RPGRIP1L: variants seen among roughly 807,000 people sequenced by gnomAD.
RPGRIP1L encodes RPGRIP1 like.
RPGRIP1L carries 131 observed loss-of-function variants against 160.4 expected under a neutral mutation model. That is an observed-to-expected ratio of 0.82 (90% CI 0.71 to 0.94). The LOEUF is 0.94. Ranked by LOEUF, RPGRIP1L falls within the 40% of genes least tolerant of loss-of-function variation. RPGRIP1L has a pLI of 0.00. For synonymous variants in RPGRIP1L, 510 were observed against 515.8 expected, an observed-to-expected ratio of 0.99 and a Z score of 0.15; for missense variants, 1,522 against 1,535.8, an observed-to-expected ratio of 0.99 and a Z score of 0.15.
intron 2 of RPGRIP1L, among the ~76,000 whole-genome samples, chr16:53,699,489 A>G (rs979032013): frequency 3.3e-5 from 5 of 152,124 alleles, no homozygotes; most frequent in Non-Finnish European, 7.3e-5. Flanking sequence ...ACTGATAGAG[A>G]CTAAGGTCCT....
rs1306500140 is a variant in RPGRIP1L, at chr16:53,605,613, G to C, written c.3703C>G (p.Leu1235Val). Residue 1235 changes from leucine to valine, a missense_variant and splice_region_variant, in exon 26 of 27, where the codon CTT (leucine) becomes GTT (valine). Physicochemically the swap from Leu to Val is conservative, Grantham distance 32 (BLOSUM62 1). Coordinates refer to ENST00000647211, the MANE Select transcript of RPGRIP1L (RefSeq NM_015272.5). Reference sequence around the variant, plus strand: ...GGGTCACTGACCACGGTGAAGCGAAGGCTGGTAAGGCAGAGATCAGAGAAA... The same window carrying C: ...GGGTCACTGACCACGGTGAAGCGAACGCTGGTAAGGCAGAGATCAGAGAAA... ...LQKQEMPNRSLRFTVVSDPPE... is the reference protein window; with the variant it reads ...LQKQEMPNRSVRFTVVSDPPE... 1.9e-6 allele frequency: 3 copies of C among 1,613,830 alleles called. No individual in the cohort carries two copies. The highest frequency in any genetic ancestry group is 2.2e-5 in the East Asian group (1 of 44,872).
At chr16:53,659,482 A>G (rs1049964486) in intron 10 of RPGRIP1L, 1 of 152,534 alleles carries the variant, frequency 6.6e-6, no homozygotes, top group Non-Finnish European at 1.5e-5. Flanking sequence ...TAATAAAAAA[A>G]TTAAAAAGTA....
Position 53,671,565 on chromosome 16 carries a change from C to A in RPGRIP1L, c.1048G>T (p.Asp350Tyr). Reference protein sequence around the residue: ...RIEELQDRINDLEKERELLKE... With the variant: ...RIEELQDRINYLEKERELLKE... ...AAAAGTTCCCGTTCCTTTTCTAAAT[C>A]ATTAATTCTATCCTGCAGCTAAAAT... The change falls in exon 9 of 27, where the codon GAT becomes TAT. Residue 350 changes from aspartate (D) to tyrosine (Y), a missense_variant. By Grantham distance (160) the Asp-to-Tyr change is radical (BLOSUM62 -3). Coordinates refer to ENST00000647211, the MANE Select transcript of RPGRIP1L (RefSeq NM_015272.5). The A allele has an allele frequency of 6.5e-7, 1 of 1,550,260 alleles. No homozygotes were observed. The highest frequency in any genetic ancestry group is 1.1e-5 in the South Asian group (1 of 88,988).
At chr16:53,651,172 T>C (rs2151115141) in intron 15 of RPGRIP1L, among the ~76,000 whole-genome samples, 1 of 152,316 alleles carries the variant, frequency 6.6e-6, no homozygotes, top group South Asian at 2.1e-4. Context: ...GTAAATGGCA[T>C]CACTATTCTT....
intron 6 of RPGRIP1L, among the ~76,000 whole-genome samples, chr16:53,683,985 C>A (rs989768699): frequency 5.5e-4 from 84 of 152,198 alleles, no homozygotes; most frequent in Middle Eastern, 3.4e-3. Flanking sequence ...AAAATCAACT[C>A]AAGATGGATT....
rs1350637423 is a variant in RPGRIP1L, at chr16:53,645,875, T to C, written c.2433A>G (p.Pro811=). 6.2e-7 allele frequency: 1 copy of C among 1,614,130 alleles called. No individual in the cohort carries two copies. The highest frequency in any genetic ancestry group is 1.1e-5 in the South Asian group (1 of 91,078). ...AAAACTTGTACACAACATATGGGTG[T>C]GGCTGCAGGTGGCTTGCTCGGGACT... ...HLQSRASHLQ[P]HPYVVYKFFD... The change falls in exon 17 of 27, where the codon CCA becomes CCG. Residue 811 remains proline, a synonymous_variant. Coordinates refer to ENST00000647211, the MANE Select transcript of RPGRIP1L (RefSeq NM_015272.5).
At chr16:53,630,748 T>C (rs1212054955) in intron 22 of RPGRIP1L, among the ~76,000 whole-genome samples, 1 of 152,170 alleles carries the variant, frequency 6.6e-6, no homozygotes, top group Admixed American at 6.5e-5. Context: ...TATTTATTTA[T>C]TTTTGTGACA....
At chr16:53,680,458 G>C (rs959090739) in intron 6 of RPGRIP1L, among the ~76,000 whole-genome samples, 12 of 151,900 alleles carry the variant, frequency 7.9e-5, no homozygotes, top group African/African-American at 2.9e-4. Flanking sequence ...AAGAGTGGGG[G>C]ACCATTTGAG....
chr16:53,699,357 C>T (rs559038528), intron 2 of RPGRIP1L, among the ~76,000 whole-genome samples: 2,721 of 142,884 alleles, frequency 0.019, 43 homozygotes, highest in South Asian at 0.055. Flanking sequence ...CCAAATCCCC[C>T]TCTGTGAGAA....
At chr16:53,658,978 T>A in intron 10 of RPGRIP1L, 100 bp from the exon 11 acceptor site, 1 of 850,656 alleles carries the variant, frequency 1.2e-6, no homozygotes, top group Non-Finnish European at 1.9e-6. Flanking sequence ...AGTCTTGATC[T>A]AGTATTGTTC....
At chr16:53,624,988 G>A (rs1435027931) in intron 22 of RPGRIP1L, among the ~76,000 whole-genome samples, 2 of 152,156 alleles carry the variant, frequency 1.3e-5, no homozygotes, top group African/African-American at 4.8e-5. Context: ...CTGGTATCCA[G>A]CTCCTGACCT....
chr16:53,680,820 T>A (rs537238792), intron 6 of RPGRIP1L, among the ~76,000 whole-genome samples: 91 of 147,958 alleles, frequency 6.2e-4, no homozygotes, highest in Non-Finnish European at 8.9e-4. Flanking sequence ...GAGGAATGAG[T>A]GAAGAGAAGA....
intron 26 of RPGRIP1L, among the ~76,000 whole-genome samples, chr16:53,605,113 C>T (rs1009428512): frequency 2.0e-5 from 3 of 151,478 alleles, no homozygotes; most frequent in Admixed American, 6.6e-5. Context: ...CCTAGGAAGT[C>T]GAGGCTGCAG....
chr16:53,673,023 G>C lies in RPGRIP1L; in HGVS notation c.883-7C>G. 1 of 1,610,608 alleles carries C rather than the reference G, an allele frequency of 6.2e-7. No individual in the cohort carries two copies. Among genetic ancestry groups the C allele is most frequent in the Non-Finnish European group, 8.5e-7 (1 of 1,178,204 alleles). On this transcript the variant is annotated splice_region_variant and splice_polypyrimidine_tract_variant and intron_variant, in intron 7 of 26. Coordinates refer to ENST00000647211, the MANE Select transcript of RPGRIP1L (RefSeq NM_015272.5). ...TTCTGAGAGTTCTTTGCTTCTAAAA[G>C]ATAAAAAGAACATCTTTCAAACATT...
chr16:53,663,939 T>C (rs1968025967), intron 10 of RPGRIP1L, among the ~76,000 whole-genome samples: 3 of 152,182 alleles, frequency 2.0e-5, no homozygotes, highest in South Asian at 2.1e-4. Flanking sequence ...CAGTGAAATA[T>C]GGCATTGTGG....
In RPGRIP1L at chr16:53,638,379, TTCCTTCC is replaced by T; in HGVS notation, c.2984_2990del (p.Arg995LysfsTer6). ...GTATATGCTCTACCTCTGGTGAAAT[TTCCTTCC>T]TATCTTCAGGAGGAGGAGAAGTCTC... On this transcript the variant is annotated frameshift_variant, in exon 20 of 27. Transcript: ENST00000647211. LOFTEE classifies it high-confidence loss of function. 8.8e-6 allele frequency: 14 copies of T among 1,593,020 alleles called. No individual in the cohort carries two copies. Among genetic ancestry groups the T allele is most frequent in the Non-Finnish European group, 1.2e-5 (14 of 1,161,384 alleles).
intron 15 of RPGRIP1L, among the ~76,000 whole-genome samples, chr16:53,649,527 A>T (rs956193428): frequency 6.6e-6 from 1 of 152,224 alleles, no homozygotes; most frequent in Non-Finnish European, 1.5e-5. Context: ...TATAAATATG[A>T]CATTCCACAT....
In RPGRIP1L at chr16:53,701,032, A is replaced by G. The variant is rs551575259; in HGVS notation, c.-7-302T>C. On this transcript the variant is annotated intron_variant, in intron 1 of 26. Coordinates refer to ENST00000647211, the MANE Select transcript of RPGRIP1L (RefSeq NM_015272.5). ...CTCCCCAGCCTCCAAAAGAAAGCAGATATCTTGGAAAAAACTCAGGTCAGG... is the reference window on the plus strand; with the variant it reads ...CTCCCCAGCCTCCAAAAGAAAGCAGGTATCTTGGAAAAAACTCAGGTCAGG... Among the ~76,000 whole-genome samples the G allele has an allele frequency of 2.0e-4, 31 of 152,296 alleles. 2 individuals are homozygous for G. The highest frequency in any genetic ancestry group is 1.7e-3 in the East Asian group (9 of 5,184).
chr16:53,690,112 G>T (rs1019210628), intron 4 of RPGRIP1L, among the ~76,000 whole-genome samples: 1 of 152,152 alleles, frequency 6.6e-6, no homozygotes, highest in Non-Finnish European at 1.5e-5. Flanking sequence ...TTAAAAGCAT[G>T]AATAATACAG....
Sources: allele counts gnomAD v4.1 joint callset (sites outside exome capture counted in the v4.1 genomes callset), GRCh38; gene constraint gnomAD v4.1.1; transcripts MANE v1.5; gene names NCBI Gene and HGNC (gene_info 2026-07-23, HGNC 2026-07-21).